The following IL18R1 variants were observed in gnomAD, a reference collection of about 807,000 sequenced individuals.
IL18R1 encodes the protein interleukin 18 receptor 1, also known as interleukin-18 receptor 1.
IL18R1 carries 40 observed loss-of-function variants against 48.5 expected under a neutral mutation model. The observed-to-expected ratio is 0.82, with a 90% CI of 0.64 to 1.07. The LOEUF (loss-of-function observed/expected upper bound fraction) is 1.07, where lower values mean the gene tolerates loss of function less well. Ranked by LOEUF, IL18R1 falls within the 50% of genes least tolerant of loss-of-function variation. The pLI is 0.00. For synonymous variants in IL18R1, 232 were observed against 225.9 expected, an observed-to-expected ratio of 1.03 and a Z score of -0.24; for missense variants, 596 against 633.7, an observed-to-expected ratio of 0.94 and a Z score of 0.64.
chr2:102,370,293 A>T (rs2105057152), intron 3 of IL18R1, among the ~76,000 whole-genome samples: 1 of 152,372 alleles, frequency 6.6e-6, no homozygotes, highest in South Asian at 2.1e-4. Context: ...TTACAGAGGT[A>T]GAGAACAATG....
intron 5 of IL18R1, among the ~76,000 whole-genome samples, chr2:102,380,125 A>G (rs1679832902): frequency 6.6e-6 from 1 of 151,986 alleles, no homozygotes; most frequent in South Asian, 2.1e-4. Flanking sequence ...GACAACCTCT[A>G]TGCCATTTTG....
chr2:102,376,490 G>C (rs1679593551), intron 5 of IL18R1, among the ~76,000 whole-genome samples: 1 of 152,228 alleles, frequency 6.6e-6, no homozygotes, highest in African/African-American at 2.4e-5. Flanking sequence ...CTAATCAGGA[G>C]AGGCAATAAG....
At position 102,394,539 on chromosome 2, in the gene IL18R1, C is replaced by A. The variant is rs1680719493; in HGVS notation, c.1182C>A (p.Thr394=). 6.2e-7 allele frequency: 1 copy of A among 1,612,990 alleles called. No individual in the cohort carries two copies. Among genetic ancestry groups the A allele is most frequent in the South Asian group, 1.1e-5 (1 of 90,978 alleles). Residue 394 remains threonine, a synonymous_variant, in exon 10 of 11, where the codon ACC becomes ACA. Coordinates refer to ENST00000233957, the MANE Select transcript of IL18R1 (RefSeq NM_003855.5). ...GACCTGAAAATGGAGAGGAGCACAC[C>A]TTTGCTGTGGAGATTTTGCCCAGGG... ...ECRPENGEEH[T]FAVEILPRVL...
In IL18R1 at chr2:102,398,515, G is replaced by T. The variant is rs1274723309; in HGVS notation, c.*1629G>T. ...TGTGTACCAACTGGATGACTAAAAAGAGTAAAATAATTTAATTAATAGCTC... is the reference window on the plus strand; with the variant it reads ...TGTGTACCAACTGGATGACTAAAAATAGTAAAATAATTTAATTAATAGCTC... On this transcript the variant is annotated 3_prime_UTR_variant, in exon 11 of 11. Transcript: ENST00000233957. The T allele has an allele frequency of 1.3e-5, 2 of 152,252 alleles. No homozygotes were observed. Among genetic ancestry groups the T allele is most frequent in the Admixed American group, 1.3e-4 (2 of 15,282 alleles). The allele number at this position is 152,252 out of a possible 1,614,324, so 9.4% of individuals were successfully genotyped here.
At chr2:102,392,249 A>ACC in intron 9 of IL18R1, among the ~76,000 whole-genome samples, 2 of 152,198 alleles carry the variant, frequency 1.3e-5, no homozygotes, top group South Asian at 2.1e-4. Context: ...CTGCATGTGC[A>ACC]TGTGCGAGTT....
intron 6 of IL18R1, among the ~76,000 whole-genome samples, chr2:102,382,786 A>G (rs1348695367): frequency 6.6e-6 from 1 of 152,146 alleles, no homozygotes; most frequent in Admixed American, 6.5e-5. Context: ...TGCCATTTGT[A>G]CATGAGGTTT....
chr2:102,366,988 C>G (rs773470032), intron 2 of IL18R1, among the ~76,000 whole-genome samples: 1 of 152,172 alleles, frequency 6.6e-6, no homozygotes, highest in African/African-American at 2.4e-5. Context: ...GGAAATGTTT[C>G]GTTCAGTTTA....
intron 9 of IL18R1, among the ~76,000 whole-genome samples, chr2:102,393,404 A>G (rs1243238313): frequency 6.6e-6 from 1 of 152,254 alleles, no homozygotes; most frequent in Non-Finnish European, 1.5e-5. Flanking sequence ...ATTGCTTTAA[A>G]TCAACAATAG....
At chr2:102,387,425 G>T (rs1680301267) in intron 8 of IL18R1, among the ~76,000 whole-genome samples, 1 of 152,206 alleles carries the variant, frequency 6.6e-6, no homozygotes, top group Non-Finnish European at 1.5e-5. Context: ...ACCAGGCTCA[G>T]GGTCCTTGTG....
intron 6 of IL18R1, among the ~76,000 whole-genome samples, chr2:102,382,558 T>G (rs1265536673): frequency 2.0e-5 from 3 of 152,212 alleles, no homozygotes; most frequent in African/African-American, 7.2e-5. Context: ...AAATATATTG[T>G]TGAATTAAAT....
intron 10 of IL18R1, 83 bp downstream of exon 10, chr2:102,394,710 C>A: frequency 9.9e-6 from 12 of 1,216,678 alleles, no homozygotes; most frequent in East Asian, 5.1e-5. Flanking sequence ...AGAGCTATCC[C>A]ATTTTCCTTA....
In IL18R1 at chr2:102,390,039, T is replaced by G; in HGVS notation, c.950-17T>G. ...TTTCTTGATTATTTTCTTTTCCTTT[T>G]TCCCTTTCTTTTCTAGCAGACATGG... On this transcript the variant is annotated splice_polypyrimidine_tract_variant and intron_variant, in intron 8 of 10. Transcript: ENST00000233957. The G allele has an allele frequency of 6.2e-7, 1 of 1,612,840 alleles. No homozygotes were observed. Among genetic ancestry groups the G allele is most frequent in the Non-Finnish European group, 8.5e-7 (1 of 1,179,226 alleles).
In IL18R1 at chr2:102,396,896, A is replaced by G; in HGVS notation, c.*10A>G. On this transcript the variant is annotated 3_prime_UTR_variant, in exon 11 of 11. Coordinates refer to ENST00000233957, the MANE Select transcript of IL18R1 (RefSeq NM_003855.5). ...TCTTTCCGAGTCTTAATCTTCAGAA[A>G]CAGTGAACGCCAAAAAGAACTCAAG... The G allele has an allele frequency of 1.3e-6, 2 of 1,521,020 alleles. No homozygotes were observed. Among genetic ancestry groups the G allele is most frequent in the Non-Finnish European group, 1.8e-6 (2 of 1,122,122 alleles). 94.2% of individuals were successfully genotyped at this position (1,521,020 alleles called of 1,614,324 possible).
chr2:102,363,819 T>C (rs1460980769), intron 2 of IL18R1, among the ~76,000 whole-genome samples: 2 of 152,222 alleles, frequency 1.3e-5, no homozygotes, highest in Non-Finnish European at 2.9e-5. Flanking sequence ...AATGCTATGA[T>C]TGTCCAAACT....
intron 3 of IL18R1, among the ~76,000 whole-genome samples, chr2:102,371,084 T>A (rs1679227166): frequency 6.6e-6 from 1 of 151,646 alleles, no homozygotes; most frequent in Non-Finnish European, 1.5e-5. Flanking sequence ...GAGATGGAAT[T>A]TCGCTCTTGT....
At chr2:102,372,980 A>G (rs1429537536) in intron 4 of IL18R1, among the ~76,000 whole-genome samples, 1 of 152,118 alleles carries the variant, frequency 6.6e-6, no homozygotes, top group Non-Finnish European at 1.5e-5. Context: ...GTCTCCAGGG[A>G]GCTCTGCCAA....
At chr2:102,374,062 G>T (rs1177219391) in intron 4 of IL18R1, 1 of 287,956 alleles carries the variant, frequency 3.5e-6, no homozygotes, top group Non-Finnish European at 7.5e-6. Context: ...CACAATAAAT[G>T]TAATGCGCCT....
chr2:102,359,728 C>A (rs1411411675), intron 1 of IL18R1, among the ~76,000 whole-genome samples: 7 of 152,152 alleles, frequency 4.6e-5, no homozygotes, highest in Admixed American at 3.3e-4. Flanking sequence ...ATGAATATTG[C>A]AACACTTCTG....
intron 7 of IL18R1, among the ~76,000 whole-genome samples, chr2:102,386,223 G>T (rs182542303): frequency 6.6e-6 from 1 of 152,274 alleles, no homozygotes; most frequent in African/African-American, 2.4e-5. Context: ...TGTCATTGGT[G>T]GGGGAAGTGG....
Sources: gnomAD v4.1 joint callset for allele counts (sites outside exome capture counted in the v4.1 genomes callset) on GRCh38, gnomAD v4.1.1 for gene constraint, MANE v1.5 for transcripts, NCBI Gene and HGNC (gene_info 2026-07-23, HGNC 2026-07-21) for gene names.